Variants in PTPRD observed in about 807,000 individuals in gnomAD.
PTPRD encodes the protein protein tyrosine phosphatase receptor type D.
Under a neutral mutation model 214.5 loss-of-function variants are expected in PTPRD, and 34 were observed. That is an observed-to-expected ratio of 0.16 (90% CI 0.12 to 0.21). The LOEUF is 0.21. PTPRD is among the 10% of genes least tolerant of loss of function. The pLI is 1.00. For synonymous variants in PTPRD, 1,128 were observed against 845.7 expected (o/e 1.33, Z -5.79); for missense variants, 2,545 against 2,398.7 (o/e 1.06, Z -1.27).
intron 5 of PTPRD, among the ~76,000 whole-genome samples, chr9:9,896,497 T>C (rs752655730): frequency 2.8e-4 from 42 of 152,116 alleles, no homozygotes; most frequent in Non-Finnish European, 4.9e-4. Context: ...TGGGAAATAG[T>C]CTAGTGCATT....
chr9:10,243,156 G>C (rs2091441984), intron 3 of PTPRD, among the ~76,000 whole-genome samples: 1 of 151,858 alleles, frequency 6.6e-6, no homozygotes, highest in East Asian at 1.9e-4. Context: ...CTTGAGGAGG[G>C]AGTTATTCAG....
intron 7 of PTPRD, among the ~76,000 whole-genome samples, chr9:9,721,022 AT>A (rs1333030076): frequency 4.6e-5 from 7 of 152,132 alleles, no homozygotes; most frequent in Admixed American, 2.0e-4. Flanking sequence ...ACAAAAAAAA[AT>A]AACTGTTGGG....
At chr9:8,998,356 G>A (rs543819070) in intron 11 of PTPRD, among the ~76,000 whole-genome samples, 55 of 151,982 alleles carry the variant, frequency 3.6e-4, no homozygotes, top group African/African-American at 1.1e-3. Context: ...AAAATCTCAG[G>A]GCCCTTAAGA....
At chr9:8,730,012 T>C (rs957668472) in intron 12 of PTPRD, among the ~76,000 whole-genome samples, 9 of 152,048 alleles carry the variant, frequency 5.9e-5, no homozygotes, top group Non-Finnish European at 1.2e-4. Flanking sequence ...ATCCCAGCAC[T>C]TTGGGAGGCC....
chr9:10,404,101 T>C (rs73404294), intron 2 of PTPRD, among the ~76,000 whole-genome samples: 6,523 of 151,754 alleles, frequency 0.043, 480 homozygotes, highest in African/African-American at 0.14. Context: ...AGACAGTGTA[T>C]GCAAACTGTA....
intron 11 of PTPRD, among the ~76,000 whole-genome samples, chr9:8,989,257 C>A (rs573838813): frequency 6.6e-6 from 1 of 151,968 alleles, no homozygotes; most frequent in African/African-American, 2.4e-5. Context: ...AAATATACAA[C>A]ACACTACTTT....
chr9:8,963,611 C>T (rs777715493), intron 11 of PTPRD, among the ~76,000 whole-genome samples: 1 of 151,850 alleles, frequency 6.6e-6, no homozygotes, highest in African/African-American at 2.4e-5. Flanking sequence ...ATAAAGCCTA[C>T]ATGATCACAA....
chr9:9,772,067 T>C (rs934902481), intron 5 of PTPRD, among the ~76,000 whole-genome samples: 4 of 152,156 alleles, frequency 2.6e-5, no homozygotes, highest in Non-Finnish European at 5.9e-5. Flanking sequence ...CCTCAGAGTA[T>C]AAGTGTATTT....
chr9:8,686,120 C>G (rs1338373565), intron 12 of PTPRD, among the ~76,000 whole-genome samples: 1 of 152,230 alleles, frequency 6.6e-6, no homozygotes, highest in Non-Finnish European at 1.5e-5. Flanking sequence ...ACTTCTTTAT[C>G]AAGTTCAGTG....
chr9:10,381,135 T>C (rs1422527228), intron 2 of PTPRD, among the ~76,000 whole-genome samples: 1 of 151,830 alleles, frequency 6.6e-6, no homozygotes, highest in Non-Finnish European at 1.5e-5. Context: ...CCAAACCCTG[T>C]ATTATTTTTT....
intron 34 of PTPRD, among the ~76,000 whole-genome samples, chr9:8,446,353 C>A (rs1233863802): frequency 6.6e-6 from 1 of 152,204 alleles, no homozygotes; most frequent in African/African-American, 2.4e-5. Flanking sequence ...GTAAATCAAT[C>A]TTTCATTCAC....
At chr9:10,471,903 A>G (rs1014550658) in intron 2 of PTPRD, among the ~76,000 whole-genome samples, 2 of 152,134 alleles carry the variant, frequency 1.3e-5, no homozygotes, top group African/African-American at 4.8e-5. Context: ...CCAAAACATC[A>G]TAAGATAATA....
At chr9:10,505,572 G>A (rs766081959) in intron 2 of PTPRD, among the ~76,000 whole-genome samples, 43 of 151,900 alleles carry the variant, frequency 2.8e-4, no homozygotes, top group Non-Finnish European at 4.3e-4. Context: ...AGGAAACATC[G>A]GATTGCTATA....
intron 2 of PTPRD, among the ~76,000 whole-genome samples, chr9:10,369,817 G>A (rs1474726519): frequency 6.6e-6 from 1 of 151,600 alleles, no homozygotes; most frequent in Non-Finnish European, 1.5e-5. Flanking sequence ...ATTTTTTAAT[G>A]AATAAAAAAT....
chr9:9,695,853 T>C (rs1280189431), intron 7 of PTPRD, among the ~76,000 whole-genome samples: 1 of 152,188 alleles, frequency 6.6e-6, no homozygotes, highest in Non-Finnish European at 1.5e-5. Context: ...TATTGACCTG[T>C]AGTTTTCTTT....
intron 8 of PTPRD, among the ~76,000 whole-genome samples, chr9:9,428,543 C>T (rs192580373): frequency 1.3e-5 from 2 of 152,272 alleles, no homozygotes; most frequent in East Asian, 3.9e-4. Context: ...CAGCTCTGCA[C>T]CAAGTGGACT....
At chr9:10,048,483 T>G (rs371816505) in intron 3 of PTPRD, among the ~76,000 whole-genome samples, 1 of 152,114 alleles carries the variant, frequency 6.6e-6, no homozygotes, top group Admixed American at 6.6e-5. Flanking sequence ...TCCAGCTGTC[T>G]ACTTGTTTTT....
At chr9:9,025,054 C>G (rs2099582421) in intron 10 of PTPRD, among the ~76,000 whole-genome samples, 2 of 151,970 alleles carry the variant, frequency 1.3e-5, no homozygotes, top group African/African-American at 4.8e-5. Flanking sequence ...TGTTTAGTCC[C>G]TTGTAAATTT....
At chr9:8,727,062 A>C (rs370674223) in intron 12 of PTPRD, among the ~76,000 whole-genome samples, 22 of 152,300 alleles carry the variant, frequency 1.4e-4, no homozygotes, top group African/African-American at 5.1e-4. Context: ...TGTTAAGGGA[A>C]TAAAACCAGG....
Sources: allele counts gnomAD v4.1 joint callset (sites outside exome capture counted in the v4.1 genomes callset), GRCh38; gene constraint gnomAD v4.1.1; transcripts MANE v1.5; gene names NCBI Gene and HGNC (gene_info 2026-07-23, HGNC 2026-07-21).